Variants in SNRPN observed in about 807,000 individuals in gnomAD.
SNRPN encodes small nuclear ribonucleoprotein-associated protein N.
A neutral mutation model predicts 25.2 loss-of-function variants in SNRPN; 7 were observed. The observed-to-expected ratio is 0.28, with a 90% CI of 0.16 to 0.52. The LOEUF (loss-of-function observed/expected upper bound fraction) is 0.52, where lower values mean the gene tolerates loss of function less well. Ranked by LOEUF, SNRPN falls within the 20% of genes least tolerant of loss-of-function variation. The probability of loss-of-function intolerance (pLI) is 0.96; values close to 1 mark genes in which losing one functional copy is unlikely to be tolerated. For missense variants in SNRPN, 196 were observed against 322.5 expected (o/e 0.61, Z 3.00); for synonymous variants, 124 against 110.6 (o/e 1.12, Z -0.76).
At chr15:24,958,560 C>T (rs1186779459) in intron 1 of SNRPN, among the ~76,000 whole-genome samples, 8 of 134,020 alleles carry the variant, frequency 6.0e-5, no homozygotes, top group Non-Finnish European at 1.1e-4. Context: ...AGGCTGAACT[C>T]GAACTGCTAG....
At chr15:24,828,582 AC>A (rs1313283424) in intron 1 of SNRPN, among the ~76,000 whole-genome samples, 1 of 152,138 alleles carries the variant, frequency 6.6e-6, no homozygotes, top group Non-Finnish European at 1.5e-5. Flanking sequence ...AGAAAAATAA[AC>A]ATACGCTAAA....
intron 2 of SNRPN, among the ~76,000 whole-genome samples, chr15:24,919,362 C>T (rs1012645299): frequency 1.8e-4 from 27 of 148,540 alleles, no homozygotes; most frequent in Non-Finnish European, 3.1e-4. Flanking sequence ...ACCCGGGAGG[C>T]GGAGCTTGGA....
chr15:24,967,641 TAAA>T (rs35079024), intron 2 of SNRPN, among the ~76,000 whole-genome samples: 7 of 133,954 alleles, frequency 5.2e-5, no homozygotes, highest in Admixed American at 1.5e-4. Context: ...GACTCTGTCT[TAAA>T]AAAAAAAAAA....
intron 3 of SNRPN, 24 bp downstream of exon 3, chr15:24,968,106 C>A: frequency 1.5e-6 from 2 of 1,318,388 alleles, no homozygotes; most frequent in Admixed American, 1.7e-5. Context: ...CAGCAATGAT[C>A]AAGAATAAAG....
intron 3 of SNRPN, among the ~76,000 whole-genome samples, chr15:24,945,545 C>A (rs1443747002): frequency 1.3e-5 from 2 of 151,690 alleles, no homozygotes; most frequent in Non-Finnish European, 2.9e-5. Context: ...AGAAAGGCCC[C>A]ATCTCTTTAA....
At chr15:24,918,508 C>T (rs2059716399) in intron 2 of SNRPN, among the ~76,000 whole-genome samples, 1 of 114,780 alleles carries the variant, frequency 8.7e-6, no homozygotes, top group African/African-American at 3.2e-5. Context: ...GTATATATAA[C>T]ATAATATATA....
chr15:24,894,728 A>G (rs748547328), intron 2 of SNRPN, among the ~76,000 whole-genome samples: 22 of 152,316 alleles, frequency 1.4e-4, no homozygotes, highest in Non-Finnish European at 2.6e-4. Context: ...ACCAGGAACT[A>G]CTGACAGAGA....
chr15:24,891,476 T>C (rs1595734274), intron 2 of SNRPN, among the ~76,000 whole-genome samples: 1 of 151,522 alleles, frequency 6.6e-6, no homozygotes, highest in East Asian at 2.0e-4. Context: ...CTCGCTGTGT[T>C]GCCCAGGCTG....
At chr15:24,898,973 T>C (rs932675291) in intron 2 of SNRPN, among the ~76,000 whole-genome samples, 1 of 152,052 alleles carries the variant, frequency 6.6e-6, no homozygotes, top group Non-Finnish European at 1.5e-5. Flanking sequence ...ATCAAGCAAA[T>C]GAGCTACAGC....
intron 2 of SNRPN, among the ~76,000 whole-genome samples, chr15:24,906,233 A>G (rs1359765923): frequency 6.6e-6 from 1 of 152,098 alleles, no homozygotes; most frequent in Non-Finnish European, 1.5e-5. Context: ...CTCAAGCCAT[A>G]TTCCACCTCA....
At chr15:24,974,210 G>A in intron 3 of SNRPN, 101 bp from the exon 4 acceptor site, 1 of 536,330 alleles carries the variant, frequency 1.9e-6, no homozygotes. Context: ...GAGGAAGGAT[G>A]TTTTTGAACG....
At chr15:24,963,065 A>G (rs948237379) in intron 2 of SNRPN, among the ~76,000 whole-genome samples, 2 of 152,114 alleles carry the variant, frequency 1.3e-5, no homozygotes, top group African/African-American at 2.4e-5. Context: ...ACCTTGTCCT[A>G]TGCATTGTGT....
At chr15:24,897,303 T>C (rs2058132955) in intron 2 of SNRPN, among the ~76,000 whole-genome samples, 1 of 152,166 alleles carries the variant, frequency 6.6e-6, no homozygotes, top group South Asian at 2.1e-4. Flanking sequence ...AACTGCTAAA[T>C]TGACTGGATG....
chr15:24,918,284 G>A (rs1217422860), intron 2 of SNRPN, among the ~76,000 whole-genome samples: 2 of 146,262 alleles, frequency 1.4e-5, no homozygotes, highest in Non-Finnish European at 1.5e-5. Context: ...AAGATGGTAT[G>A]GATTTTGCAT....
intron 3 of SNRPN, among the ~76,000 whole-genome samples, chr15:24,925,001 C>T (rs1161942840): frequency 6.6e-6 from 1 of 152,110 alleles, no homozygotes; most frequent in East Asian, 1.9e-4. Context: ...ATTTTTCCAT[C>T]TACTTAACTC....
intron 3 of SNRPN, among the ~76,000 whole-genome samples, chr15:24,970,250 G>A (rs2076230289): frequency 6.6e-6 from 1 of 152,118 alleles, no homozygotes; most frequent in South Asian, 2.1e-4. Context: ...CATTAAAAAT[G>A]TAAGGCACAC....
At chr15:24,939,955 A>G (rs1217443114) in intron 3 of SNRPN, among the ~76,000 whole-genome samples, 3 of 151,720 alleles carry the variant, frequency 2.0e-5, no homozygotes, top group Non-Finnish European at 4.4e-5. Context: ...ATGCCCAGCT[A>G]ATTTTTGTAT....
At chr15:24,954,538 T>C (rs1312855606), upstream of SNRPN, among the ~76,000 whole-genome samples, 2 of 152,150 alleles carry the variant, frequency 1.3e-5, no homozygotes, top group Non-Finnish European at 2.9e-5. Context: ...GTTAGGGATA[T>C]TTTCTTTTGG....
chr15:24,944,255 A>G (rs1172195143), intron 3 of SNRPN, among the ~76,000 whole-genome samples: 2 of 152,206 alleles, frequency 1.3e-5, no homozygotes, highest in Non-Finnish European at 2.9e-5. Flanking sequence ...TTAATGTAGC[A>G]CATGAGCTGG....
Sources: gnomAD v4.1 joint callset for allele counts (sites outside exome capture counted in the v4.1 genomes callset) on GRCh38, gnomAD v4.1.1 for gene constraint, MANE v1.5 for transcripts, NCBI Gene and HGNC (gene_info 2026-07-23, HGNC 2026-07-21) for gene names.